ARHGEF12: variants seen among roughly 807,000 people sequenced by gnomAD.
ARHGEF12 encodes the protein KMT2A/ARHGEF12 fusion protein.
In ARHGEF12, 66 loss-of-function variants were observed where a neutral mutation model predicts 211.2. The ratio of observed to expected loss-of-function variants is 0.31; its 90% CI spans 0.26 to 0.38. The LOEUF (loss-of-function observed/expected upper bound fraction) is 0.38, where lower values mean the gene tolerates loss of function less well. ARHGEF12 is among the 10% of genes least tolerant of loss of function. ARHGEF12 has a pLI of 1.00. For missense variants in ARHGEF12, 1,429 were observed against 1,869.5 expected (o/e 0.76, Z 4.34); for synonymous variants, 592 against 638.4 (o/e 0.93, Z 1.09).
intron 4 of ARHGEF12, chr11:120,411,818 G>GA (rs1255525057): frequency 2.0e-3 from 268 of 136,144 alleles, no homozygotes; most frequent in African/African-American, 6.2e-3. Flanking sequence ...TTTGCCAGGG[G>GA]AAAAAAAAAA....
rs1474797700 is a variant in ARHGEF12 at position 120,477,148 on chromosome 11, T to C, written c.3366-71T>C. On this transcript the variant is annotated intron_variant, in intron 34 of 40. Coordinates refer to ENST00000397843, the MANE Select transcript of ARHGEF12 (RefSeq NM_015313.3). ...TGATTTGGTTTTTGTTTAGTTTTGC[T>C]TTCTGAGTATATTTAAAGGATATTT... The C allele has an allele frequency of 1.3e-5, 17 of 1,263,164 alleles. No individual in the cohort carries two copies. The Admixed American group carries it at 3.4e-4, about 26-fold the overall frequency. 78.2% of individuals were successfully genotyped at this position (1,263,164 alleles called of 1,614,324 possible).
In ARHGEF12 at chr11:120,488,266, T is replaced by C. The variant is rs1947446274; in HGVS notation, c.*3189T>C. Reference sequence around the variant, plus strand: ...ATTTCAAAGTGGAAGCTTTCTTCTCTGAAGTCGATATATGGTTTTGAATTA... The same window carrying C: ...ATTTCAAAGTGGAAGCTTTCTTCTCCGAAGTCGATATATGGTTTTGAATTA... On this transcript the variant is annotated 3_prime_UTR_variant, in exon 41 of 41. Coordinates refer to ENST00000397843, the MANE Select transcript of ARHGEF12 (RefSeq NM_015313.3). The C allele has an allele frequency of 4.6e-6, 1 of 215,520 alleles. No individual in the cohort carries two copies. Among genetic ancestry groups the C allele is most frequent in the South Asian group, 1.9e-4 (1 of 5,340 alleles). The allele number at this position is 215,520 out of a possible 1,614,324, so 13.4% of individuals were successfully genotyped here.
chr11:120,348,847 A>T (rs1361007279), intron 1 of ARHGEF12, among the ~76,000 whole-genome samples: 2 of 152,208 alleles, frequency 1.3e-5, no homozygotes, highest in South Asian at 2.1e-4. Flanking sequence ...GTCTCAAAAA[A>T]AATAATAATA....
rs1942366815 is a variant in ARHGEF12, at chr11:120,336,912, A to T, written c.-332A>T. The T allele has an allele frequency of 2.3e-6, 1 of 426,258 alleles. No individual in the cohort carries two copies. Among genetic ancestry groups the T allele is most frequent in the South Asian group, 7.1e-5 (1 of 14,064 alleles). 26.4% of individuals were successfully genotyped at this position (426,258 alleles called of 1,614,324 possible). Reference sequence around the variant, plus strand: ...CTGATCCCGCCCCAGCCCCGGCGGGAGTCCCGGGTCCCCTTCCCACTGCGC... The same window carrying T: ...CTGATCCCGCCCCAGCCCCGGCGGGTGTCCCGGGTCCCCTTCCCACTGCGC... On this transcript the variant is annotated 5_prime_UTR_variant, in exon 1 of 41. Transcript: ENST00000397843.
chr11:120,459,078 A>G (rs971023931), intron 25 of ARHGEF12, 96 bp from the exon 26 acceptor site: 18 of 975,460 alleles, frequency 1.8e-5, no homozygotes, highest in South Asian at 7.4e-5. Context: ...AATTTATTAT[A>G]TAATTCATTT....
intron 1 of ARHGEF12, among the ~76,000 whole-genome samples, chr11:120,352,663 G>A (rs1943020638): frequency 6.6e-6 from 1 of 152,126 alleles, no homozygotes; most frequent in Non-Finnish European, 1.5e-5. Flanking sequence ...CAATGGCCCT[G>A]TGCTTTGCCT....
intron 1 of ARHGEF12, among the ~76,000 whole-genome samples, chr11:120,403,400 G>A (rs1270864986): frequency 6.6e-6 from 1 of 151,926 alleles, no homozygotes; most frequent in Non-Finnish European, 1.5e-5. Flanking sequence ...CCAGCTACTC[G>A]GGAGGCTGAG....
intron 11 of ARHGEF12, among the ~76,000 whole-genome samples, chr11:120,432,654 A>T (rs955135859): frequency 2.0e-5 from 3 of 152,138 alleles, no homozygotes; most frequent in African/African-American, 7.2e-5. Flanking sequence ...TTTCTTTTTT[A>T]AAAAAAGAAT....
At chr11:120,395,195 C>A (rs1944345545) in intron 1 of ARHGEF12, among the ~76,000 whole-genome samples, 1 of 149,738 alleles carries the variant, frequency 6.7e-6, no homozygotes, top group East Asian at 2.0e-4. Context: ...ATATATATTA[C>A]ATATACATAA....
chr11:120,347,173 T>TTCCC (rs1942773809), intron 1 of ARHGEF12, among the ~76,000 whole-genome samples: 1 of 89,760 alleles, frequency 1.1e-5, no homozygotes, highest in Admixed American at 1.1e-4. Flanking sequence ...CCTTCCTTCC[T>TTCCC]TCCTTCCTTC....
chr11:120,355,789 T>A (rs17123847), intron 1 of ARHGEF12, among the ~76,000 whole-genome samples: 1,899 of 152,312 alleles, frequency 0.012, 36 homozygotes, highest in African/African-American at 0.044. Context: ...TTTATGTTAC[T>A]CCAAATGAAA....
At chr11:120,431,712 G>A in intron 10 of ARHGEF12, 59 bp from the exon 11 acceptor site, 3 of 1,474,810 alleles carry the variant, frequency 2.0e-6, no homozygotes, top group Non-Finnish European at 2.7e-6. Context: ...TATGCAGCAA[G>A]TAATGAAAGT....
chr11:120,347,262 C>CTGTG (rs1182289237), intron 1 of ARHGEF12, among the ~76,000 whole-genome samples: 14 of 117,696 alleles, frequency 1.2e-4, no homozygotes, highest in Middle Eastern at 4.0e-3. Flanking sequence ...CTCTCTCTCT[C>CTGTG]TCTCTGTCTG....
At chr11:120,481,067 T>C (rs1428179903) in intron 38 of ARHGEF12, among the ~76,000 whole-genome samples, 193 bp from the exon 39 acceptor site, 2 of 152,168 alleles carry the variant, frequency 1.3e-5, no homozygotes, top group South Asian at 2.1e-4. Flanking sequence ...TTTTGGAAAT[T>C]ACCATGAAAG....
rs151260050 is a variant in ARHGEF12 at position 120,343,557 on chromosome 11, G to A, written c.32+6282G>A. On this transcript the variant is annotated intron_variant, in intron 1 of 40. Coordinates refer to ENST00000397843, the MANE Select transcript of ARHGEF12 (RefSeq NM_015313.3). Reference sequence around the variant, plus strand: ...ACCTCTTGAATTAGCATGCACCAATGCAGTTTAGATTCATACCGAAACAGG... The same window carrying A: ...ACCTCTTGAATTAGCATGCACCAATACAGTTTAGATTCATACCGAAACAGG... 6.5e-3 allele frequency among the ~76,000 whole-genome samples: 992 copies of A among 152,336 alleles called. 11 individuals are homozygous for A. The highest frequency in any genetic ancestry group is 0.023 in the African/African-American group (940 of 41,576).
At chr11:120,370,650 G>A (rs762829346) in intron 1 of ARHGEF12, among the ~76,000 whole-genome samples, 2 of 152,094 alleles carry the variant, frequency 1.3e-5, no homozygotes, top group Non-Finnish European at 2.9e-5. Flanking sequence ...GTCTTCAATA[G>A]TAATTTATAA....
intron 11 of ARHGEF12, among the ~76,000 whole-genome samples, chr11:120,433,006 A>C (rs1419862346): frequency 6.6e-6 from 1 of 152,180 alleles, no homozygotes; most frequent in East Asian, 1.9e-4. Context: ...TTTGGGCTCA[A>C]GGAAAAAATG....
intron 1 of ARHGEF12, among the ~76,000 whole-genome samples, chr11:120,386,990 A>G (rs1944052605): frequency 6.6e-6 from 1 of 152,074 alleles, no homozygotes. Flanking sequence ...ACAAATAGTG[A>G]TGCCATGAGT....
chr11:120,415,289 C>T (rs906946610), intron 4 of ARHGEF12, among the ~76,000 whole-genome samples: 2 of 151,986 alleles, frequency 1.3e-5, no homozygotes, highest in African/African-American at 4.8e-5. Context: ...TTTTCTGATT[C>T]TTAAACATTG....
Sources: gnomAD v4.1 joint callset for allele counts (sites outside exome capture counted in the v4.1 genomes callset) on GRCh38, gnomAD v4.1.1 for gene constraint, MANE v1.5 for transcripts, NCBI Gene and HGNC (gene_info 2026-07-23, HGNC 2026-07-21) for gene names.